UNC5B: variants seen among roughly 807,000 people sequenced by gnomAD.
UNC5B encodes the protein netrin receptor UNC5B.
A neutral mutation model predicts 103.7 loss-of-function variants in UNC5B; 56 were observed. The observed-to-expected ratio is 0.54, with a 90% confidence interval of 0.44 to 0.67. The LOEUF (loss-of-function observed/expected upper bound fraction) is 0.67, where lower values mean the gene tolerates loss of function less well. Among genes scored for constraint, UNC5B ranks in the 30% least tolerant of loss-of-function variants. The probability of loss-of-function intolerance (pLI) is 0.00; values close to 1 mark genes in which losing one functional copy is unlikely to be tolerated. For synonymous variants in UNC5B, 577 were observed against 542.0 expected, an observed-to-expected ratio of 1.06 and a Z score of -0.90; for missense variants, 1,194 against 1,284.5, an observed-to-expected ratio of 0.93 and a Z score of 1.08.
At chr10:71,267,360 C>A (rs554779950) in intron 1 of UNC5B, among the ~76,000 whole-genome samples, 2 of 152,278 alleles carry the variant, frequency 1.3e-5, no homozygotes, top group East Asian at 3.9e-4. Flanking sequence ...CTATAGTCAT[C>A]AAGTTGGAAG....
intron 1 of UNC5B, among the ~76,000 whole-genome samples, chr10:71,239,780 G>C (rs886481696): frequency 6.6e-6 from 1 of 152,168 alleles, no homozygotes; most frequent in South Asian, 2.1e-4. Flanking sequence ...GAGGGCCCCT[G>C]GGTGACCCTG....
chr10:71,243,936 C>A (rs1188259021), intron 1 of UNC5B, among the ~76,000 whole-genome samples: 1 of 152,230 alleles, frequency 6.6e-6, no homozygotes, highest in Non-Finnish European at 1.5e-5. Flanking sequence ...ATTGAGTACA[C>A]CGAGGCCCAG....
chr10:71,264,475 C>T (rs978430577), intron 1 of UNC5B, among the ~76,000 whole-genome samples: 1 of 152,162 alleles, frequency 6.6e-6, no homozygotes, highest in Admixed American at 6.5e-5. Flanking sequence ...TTGTTATTGC[C>T]ACACAGCAGG....
chr10:71,253,120 C>T (rs1844212957), intron 1 of UNC5B, among the ~76,000 whole-genome samples: 2 of 152,208 alleles, frequency 1.3e-5, no homozygotes, highest in African/African-American at 4.8e-5. Flanking sequence ...CACACTTCAC[C>T]TCCTCACCTG....
At chr10:71,289,869 C>T (rs1020867569) in intron 8 of UNC5B, among the ~76,000 whole-genome samples, 1 of 152,208 alleles carries the variant, frequency 6.6e-6, no homozygotes, top group African/African-American at 2.4e-5. Flanking sequence ...GGGAGCCATG[C>T]CCTGCCTTGC....
At chr10:71,237,643 C>T (rs1343877377) in intron 1 of UNC5B, among the ~76,000 whole-genome samples, 4 of 152,204 alleles carry the variant, frequency 2.6e-5, no homozygotes, top group Non-Finnish European at 4.4e-5. Context: ...TCCTGCAGCA[C>T]CTAGTGTGAA....
chr10:71,232,423 G>A (rs564380777), intron 1 of UNC5B, among the ~76,000 whole-genome samples: 1 of 152,372 alleles, frequency 6.6e-6, no homozygotes, highest in East Asian at 1.9e-4. Flanking sequence ...TGCACAAGGA[G>A]GGAGGAACTC....
chr10:71,278,201 A>G (rs1205656977), intron 1 of UNC5B, among the ~76,000 whole-genome samples: 1 of 152,208 alleles, frequency 6.6e-6, no homozygotes, highest in Non-Finnish European at 1.5e-5. Context: ...TCCTGCAAAC[A>G]TAGCACCTGA....
chr10:71,214,599 G>GT (rs1224980483), intron 1 of UNC5B, among the ~76,000 whole-genome samples: 1 of 152,088 alleles, frequency 6.6e-6, no homozygotes, highest in Non-Finnish European at 1.5e-5. Flanking sequence ...GAAGGGTAGG[G>GT]TGAAGTCTCT....
chr10:71,261,070 A>G (rs1210770339), intron 1 of UNC5B, among the ~76,000 whole-genome samples: 1 of 152,170 alleles, frequency 6.6e-6, no homozygotes, highest in African/African-American at 2.4e-5. Flanking sequence ...CAATCTTTCC[A>G]TTTGGGAAGC....
chr10:71,279,298 TGCCCC>T (rs1564728458), intron 1 of UNC5B, among the ~76,000 whole-genome samples: 1 of 152,192 alleles, frequency 6.6e-6, no homozygotes, highest in Non-Finnish European at 1.5e-5. Flanking sequence ...ATCCCACCCC[TGCCCC>T]GCAGCCCTGG....
chr10:71,271,130 G>C (rs1844636903), intron 1 of UNC5B, among the ~76,000 whole-genome samples: 1 of 152,182 alleles, frequency 6.6e-6, no homozygotes, highest in East Asian at 1.9e-4. Flanking sequence ...GAGTCAGGAA[G>C]CTGAGACCCC....
At chr10:71,244,796 G>C (rs899081969) in intron 1 of UNC5B, among the ~76,000 whole-genome samples, 8 of 152,228 alleles carry the variant, frequency 5.3e-5, no homozygotes, top group Non-Finnish European at 7.3e-5. Flanking sequence ...ATGCATGCCT[G>C]TGTGCGCCGA....
At chr10:71,256,461 G>T (rs1844292737) in intron 1 of UNC5B, among the ~76,000 whole-genome samples, 1 of 152,268 alleles carries the variant, frequency 6.6e-6, no homozygotes, top group Admixed American at 6.5e-5. Flanking sequence ...AGATAATTCT[G>T]CCAGGAGCTG....
rs191010582 is a variant in UNC5B at position 71,238,297 on chromosome 10, C to T, written c.79+25233C>T. 3.6e-3 allele frequency among the ~76,000 whole-genome samples: 554 copies of T among 152,224 alleles called. 5 individuals carry two copies. The highest frequency in any genetic ancestry group is 0.013 in the African/African-American group (535 of 41,524). ...TGAAAGTCAGGCAAAATCCCCACAACGCCCACCCTGCCCAGGGCCCACTTC... is the reference window on the plus strand; with the variant it reads ...TGAAAGTCAGGCAAAATCCCCACAATGCCCACCCTGCCCAGGGCCCACTTC... On this transcript the variant is annotated intron_variant, in intron 1 of 16. Transcript: ENST00000335350.
chr10:71,222,546 TGGATAG>T (rs1289122915), intron 1 of UNC5B, among the ~76,000 whole-genome samples: 1 of 152,068 alleles, frequency 6.6e-6, no homozygotes, highest in Non-Finnish European at 1.5e-5. Context: ...GGCTGACCTC[TGGATAG>T]GGCTAGGGCT....
At chr10:71,250,441 T>G (rs1237034331) in intron 1 of UNC5B, among the ~76,000 whole-genome samples, 1 of 152,220 alleles carries the variant, frequency 6.6e-6, no homozygotes, top group African/African-American at 2.4e-5. Context: ...TTCCTGACTT[T>G]CCGAGGAATC....
intron 1 of UNC5B, among the ~76,000 whole-genome samples, chr10:71,278,543 A>G (rs891057029): frequency 3.3e-5 from 5 of 152,140 alleles, no homozygotes; most frequent in African/African-American, 1.2e-4. Flanking sequence ...CAGTCTCAGC[A>G]TGGTCTCCTG....
intron 2 of UNC5B, among the ~76,000 whole-genome samples, 195 bp downstream of exon 2, chr10:71,280,240 C>T (rs1357023677): frequency 6.6e-6 from 1 of 152,174 alleles, no homozygotes; most frequent in Non-Finnish European, 1.5e-5. Context: ...TGTGAGCCCT[C>T]ACTCCCTTTT....
Sources: gnomAD v4.1 joint callset for allele counts (sites outside exome capture counted in the v4.1 genomes callset) on GRCh38, gnomAD v4.1.1 for gene constraint, MANE v1.5 for transcripts, NCBI Gene and HGNC (gene_info 2026-07-23, HGNC 2026-07-21) for gene names.